LAMA4: variants seen among roughly 807,000 people sequenced by gnomAD.
The protein encoded by LAMA4 is laminin subunit alpha-4.
A neutral mutation model predicts 207.1 loss-of-function variants in LAMA4; 127 were observed. That is an observed-to-expected ratio of 0.61 (90% CI 0.53 to 0.71). The LOEUF (loss-of-function observed/expected upper bound fraction) is 0.71, where lower values mean the gene tolerates loss of function less well. Ranked by LOEUF, LAMA4 falls within the 30% of genes least tolerant of loss-of-function variation. The probability of loss-of-function intolerance (pLI) is 0.00; values close to 1 mark genes in which losing one functional copy is unlikely to be tolerated. For missense variants in LAMA4, 2,093 were observed against 2,246.5 expected (o/e 0.93, Z 1.38); for synonymous variants, 761 against 816.0 (o/e 0.93, Z 1.15).
chr6:112,175,760 T>C (rs1781989291), intron 10 of LAMA4, among the ~76,000 whole-genome samples: 1 of 152,242 alleles, frequency 6.6e-6, no homozygotes, highest in Admixed American at 6.5e-5. Flanking sequence ...CCTGCTCTGC[T>C]CTCATCCTCA....
chr6:112,110,822 G>T (rs587721704), intron 38 of LAMA4, among the ~76,000 whole-genome samples: 1 of 152,348 alleles, frequency 6.6e-6, no homozygotes, highest in South Asian at 2.1e-4. Flanking sequence ...TCATGTAGCA[G>T]TTAGTGGTCT....
chr6:112,207,225 T>C, intron 3 of LAMA4, 80 bp from the exon 4 acceptor site: 1 of 1,504,938 alleles, frequency 6.6e-7, no homozygotes, highest in Non-Finnish European at 9.2e-7. Context: ...CATGCAATAC[T>C]TTTTCAAGCA....
At chr6:112,228,547 A>G (rs1376955674) in intron 2 of LAMA4, among the ~76,000 whole-genome samples, 3 of 152,174 alleles carry the variant, frequency 2.0e-5, no homozygotes, top group African/African-American at 7.2e-5. Context: ...AGGTTAAGGG[A>G]GCAAGGAATG....
Position 112,109,594 on chromosome 6 carries a change from A to G in LAMA4, c.5327-12T>C. On this transcript the variant is annotated splice_polypyrimidine_tract_variant and intron_variant, in intron 38 of 38. Transcript: ENST00000230538. ...TGTCAGTAGAGATTCTGAAAAGAGC[A>G]AGAAATAAAAACAAAGATTGCAATT... The G allele has an allele frequency of 6.2e-7, 1 of 1,614,084 alleles. No homozygotes were observed. The highest frequency in any genetic ancestry group is 8.5e-7 in the Non-Finnish European group (1 of 1,179,936).
chr6:112,114,831 C>T, intron 36 of LAMA4, 75 bp from the exon 37 acceptor site: 2 of 1,056,632 alleles, frequency 1.9e-6, no homozygotes, highest in East Asian at 2.4e-5. Context: ...AAATAATTTA[C>T]CACAGTGAAG....
In LAMA4 at chr6:112,117,843, G is replaced by A. The variant is rs1778114586; in HGVS notation, c.4877C>T (p.Ala1626Val). 1 of 1,613,584 alleles carries A rather than the reference G, an allele frequency of 6.2e-7. No individual in the cohort carries two copies. The highest frequency in any genetic ancestry group is 1.1e-5 in the South Asian group (1 of 91,074). Residue 1626 changes from alanine (A) to valine (V), a missense_variant, in exon 35 of 39, where the codon GCC becomes GTC. By Grantham distance (64) the Ala-to-Val change is moderately conservative (BLOSUM62 0). Coordinates refer to ENST00000230538, the MANE Select transcript of LAMA4 (RefSeq NM_001105206.3). This position sits in a 1 kb window ranked among gnomAD's most constrained non-coding sequence, Gnocchi z 4.5. Reference sequence around the variant, plus strand: ...TGTCTGAGAAGCAGAGGTGATGGAGGCCCCATTGAGCTGGAGATTGCTGAG... The same window carrying A: ...TGTCTGAGAAGCAGAGGTGATGGAGACCCCATTGAGCTGGAGATTGCTGAG... ...GCLSNLQLNGASITSASQTFS... is the reference protein window; with the variant it reads ...GCLSNLQLNGVSITSASQTFS...
intron 13 of LAMA4, chr6:112,159,311 A>C: frequency 6.3e-6 from 1 of 157,630 alleles, no homozygotes; most frequent in South Asian, 1.1e-4. Context: ...CTACTCCATT[A>C]CTCTACCAAA....
intron 12 of LAMA4, among the ~76,000 whole-genome samples, chr6:112,167,840 TCACACACACACACACACACACA>T (rs71021873): frequency 4.0e-5 from 5 of 125,860 alleles, no homozygotes; most frequent in Admixed American, 8.1e-5. Context: ...ATGCATACCA[TCACACACACACACACACACACA>T]CACACACACA....
chr6:112,110,846 T>C (rs1777648333), intron 38 of LAMA4, among the ~76,000 whole-genome samples: 1 of 152,202 alleles, frequency 6.6e-6, no homozygotes, highest in African/African-American at 2.4e-5. Flanking sequence ...TAATTCACCA[T>C]ACAATTAATT....
intron 36 of LAMA4, 138 bp downstream of exon 36, chr6:112,115,725 T>C: frequency 1.0e-6 from 1 of 968,912 alleles, no homozygotes; most frequent in South Asian, 1.3e-5. Context: ...TGCCCACATT[T>C]ACATTTCATG....
At chr6:112,241,319 AGAT>A (rs1371966973) in intron 2 of LAMA4, among the ~76,000 whole-genome samples, 1 of 151,048 alleles carries the variant, frequency 6.6e-6, no homozygotes, top group African/African-American at 2.4e-5. Flanking sequence ...ATTGTTACTG[AGAT>A]GATACTTACT....
chr6:112,153,799 A>G (rs1374224731), intron 16 of LAMA4, among the ~76,000 whole-genome samples: 1 of 152,168 alleles, frequency 6.6e-6, no homozygotes, highest in African/African-American at 2.4e-5. Context: ...TAAATTAATT[A>G]GACATATAAT....
At chr6:112,163,271 G>T (rs1781179983) in intron 13 of LAMA4, among the ~76,000 whole-genome samples, 1 of 151,954 alleles carries the variant, frequency 6.6e-6, no homozygotes, top group Non-Finnish European at 1.5e-5. Flanking sequence ...GTGAGCCACT[G>T]CACCAAACCA....
intron 16 of LAMA4, 139 bp from the exon 17 acceptor site, chr6:112,150,766 T>A (rs1481322634): frequency 8.3e-6 from 6 of 719,630 alleles, no homozygotes; most frequent in Non-Finnish European, 1.5e-5. Context: ...TGAACATAGA[T>A]CAACAATTCT....
chr6:112,213,509 A>G (rs1784462087), intron 3 of LAMA4: 1 of 152,260 alleles, frequency 6.6e-6, no homozygotes, highest in South Asian at 2.1e-4. Context: ...CATAAGATGC[A>G]AAGTGGCCCA....
intron 32 of LAMA4, among the ~76,000 whole-genome samples, chr6:112,120,981 G>T (rs782770467): frequency 1.3e-5 from 2 of 152,050 alleles, no homozygotes; most frequent in South Asian, 4.1e-4. Context: ...GGCTAAGGTG[G>T]GAAGATCACT....
chr6:112,142,042 G>A (rs1226246738), intron 20 of LAMA4, 77 bp downstream of exon 20: 25 of 1,481,724 alleles, frequency 1.7e-5, no homozygotes, highest in Non-Finnish European at 2.3e-5. Context: ...GTTTGCCTAG[G>A]TGGCTTTATT....
chr6:112,178,202 C>G lies in LAMA4; in HGVS notation c.1108G>C (p.Val370Leu), dbSNP rs781846378. The G allele has an allele frequency of 6.2e-7, 1 of 1,613,832 alleles. No homozygotes were observed. Among genetic ancestry groups the G allele is most frequent in the African/African-American group, 1.3e-5 (1 of 75,018 alleles). ...ATGGTGTCCATGCTTTCCTTCTGAACAAGTTGTCCTTTTCTGGAGGCTTGA... is the reference window on the plus strand; with the variant it reads ...ATGGTGTCCATGCTTTCCTTCTGAAGAAGTTGTCCTTTTCTGGAGGCTTGA... Reference protein sequence around the residue: ...ENQASRKGQLVQKESMDTINH... With the variant: ...ENQASRKGQLLQKESMDTINH... Residue 370 changes from valine to leucine, a missense_variant, in exon 10 of 39, where the codon GTT (valine) becomes CTT (leucine). By Grantham distance (32) the Val-to-Leu change is conservative. Around this residue, in one of 3 missense-constraint regions of LAMA4, gnomAD observed 1,704 missense variants for 1,788.4 expected, o/e 0.95. Transcript: ENST00000230538.
intron 12 of LAMA4, among the ~76,000 whole-genome samples, chr6:112,168,224 C>T (rs1554340673): frequency 6.6e-6 from 1 of 151,344 alleles, no homozygotes; most frequent in African/African-American, 2.4e-5. Context: ...GGAGTGACTC[C>T]TAGACAGGAA....
Sources: allele counts gnomAD v4.1 joint callset (sites outside exome capture counted in the v4.1 genomes callset), GRCh38; gene constraint gnomAD v4.1.1; regional missense constraint gnomAD v4.1.1; non-coding constraint Gnocchi (gnomAD v3.1); transcripts MANE v1.5; gene names NCBI Gene and HGNC (gene_info 2026-07-23, HGNC 2026-07-21).